RAI2: variants seen among roughly 807,000 people sequenced by gnomAD.
RAI2 encodes retinoic acid-induced protein 2.
In RAI2, 5 loss-of-function variants were observed where a neutral mutation model predicts 15.3. The observed-to-expected ratio is 0.33, with a 90% CI of 0.17 to 0.69. The LOEUF (loss-of-function observed/expected upper bound fraction) is 0.69. Among genes scored for constraint, RAI2 ranks in the 30% least tolerant of loss-of-function variants. RAI2 has a pLI of 0.69. For synonymous variants in RAI2, 191 were observed against 184.0 expected (o/e 1.04, Z -0.31); for missense variants, 424 against 424.7 (o/e 1.00, Z 0.01).
intron 1 of RAI2, among the ~76,000 whole-genome samples, chrX:17,855,577 G>A (rs1023567670): frequency 2.7e-5 from 3 of 111,450 alleles, no homozygotes; most frequent in Non-Finnish European, 5.7e-5. Context: ...AATCAAAATC[G>A]CTTGATGCCA....
At chrX:17,817,491 G>T (rs988877997) in intron 1 of RAI2, among the ~76,000 whole-genome samples, 2 of 112,694 alleles carry the variant, frequency 1.8e-5, no homozygotes, top group African/African-American at 6.4e-5. Flanking sequence ...TCCACTGAAA[G>T]AGTCTGTTTC....
At chrX:17,827,205 C>A (rs766087741) in intron 1 of RAI2, among the ~76,000 whole-genome samples, 19 of 111,712 alleles carry the variant, frequency 1.7e-4, no homozygotes, top group African/African-American at 6.2e-4. Flanking sequence ...TCTGCTTCTA[C>A]AGCAGCCCTT....
chrX:17,830,746 G>A (rs1278912886), intron 1 of RAI2, among the ~76,000 whole-genome samples: 2 of 110,808 alleles, frequency 1.8e-5, no homozygotes, highest in African/African-American at 6.6e-5. Context: ...GTGTGTGGGG[G>A]GGTGTTATAC....
At chrX:17,827,407 C>T (rs2067239133) in intron 1 of RAI2, among the ~76,000 whole-genome samples, 1 of 112,371 alleles carries the variant, frequency 8.9e-6, no homozygotes, top group African/African-American at 3.2e-5. Flanking sequence ...CTTCACAATA[C>T]TATTTATGTT....
rs144450610 is a variant in RAI2 at position 17,802,738 on chromosome X, T to G, written c.-24-704A>C. 3.6e-5 allele frequency among the ~76,000 whole-genome samples: 4 copies of G among 111,497 alleles called. No individual in the cohort carries two copies. The East Asian group carries it at 1.1e-3, about 32-fold the overall frequency. ...CATCTATCTGATCTGTGGCCTCTCC[T>G]AATATCTAGCTGCCAAGAGGAAGAG... On this transcript the variant is annotated intron_variant, in intron 1 of 1. Coordinates refer to ENST00000451717, the MANE Select transcript of RAI2 (RefSeq NM_021785.6).
chrX:17,846,099 G>A (rs1468267397), intron 1 of RAI2, among the ~76,000 whole-genome samples: 5 of 111,586 alleles, frequency 4.5e-5, no homozygotes, highest in Non-Finnish European at 7.5e-5. Context: ...AAAGGGTTTC[G>A]GATATGTTCT....
chrX:17,806,352 G>A (rs190295603), intron 1 of RAI2, among the ~76,000 whole-genome samples: 22 of 112,156 alleles, frequency 2.0e-4, no homozygotes, highest in Middle Eastern at 4.6e-3. Flanking sequence ...TTTCGTTTGC[G>A]TTTTGCAAAA....
At position 17,826,980 on chromosome X, in the gene RAI2, A is replaced by T. The variant is rs1035057898; in HGVS notation, c.-24-24946T>A. ...TTTATAGCAATGTGAAAACAAACTA[A>T]TGCATAGATTCCATTTATTTTGGCT... On this transcript the variant is annotated intron_variant, in intron 1 of 1. Coordinates refer to ENST00000451717, the MANE Select transcript of RAI2 (RefSeq NM_021785.6). Among the ~76,000 whole-genome samples, 37 of 112,610 alleles carry T rather than the reference A, an allele frequency of 3.3e-4. 1 individual carries two copies. The highest frequency in any genetic ancestry group is 1.1e-4 in the Non-Finnish European group (6 of 53,315).
rs1016914705 is a variant in RAI2 at position 17,807,087 on chromosome X, C to G, written c.-24-5053G>C. 1.4e-4 allele frequency among the ~76,000 whole-genome samples: 16 copies of G among 111,247 alleles called. No homozygotes were observed. In the Admixed American group the frequency reaches 1.5e-3, roughly 11 times the overall value. On this transcript the variant is annotated intron_variant, in intron 1 of 1. Coordinates refer to ENST00000451717, the MANE Select transcript of RAI2 (RefSeq NM_021785.6). ...CCCCTCATCTAATTATTGCAAAGAT[C>G]TAATTATACCAGAGGCCGGTCTCCC...
At chrX:17,816,863 G>A (rs1382617676) in intron 1 of RAI2, among the ~76,000 whole-genome samples, 1 of 111,530 alleles carries the variant, frequency 9.0e-6, no homozygotes, top group Non-Finnish European at 1.9e-5. Context: ...AACGTGAGTT[G>A]AAAGTGAGGG....
At chrX:17,820,437 G>C (rs904634682) in intron 1 of RAI2, among the ~76,000 whole-genome samples, 1 of 111,922 alleles carries the variant, frequency 8.9e-6, no homozygotes, top group Admixed American at 9.5e-5. Context: ...GTGGGTCTCT[G>C]GGATGCGGCA....
At chrX:17,853,978 A>G (rs963711434) in intron 1 of RAI2, among the ~76,000 whole-genome samples, 1 of 112,317 alleles carries the variant, frequency 8.9e-6, no homozygotes, top group Non-Finnish European at 1.9e-5. Flanking sequence ...GTTTTAAAAA[A>G]ACTAAAACAA....
At position 17,800,925 on chromosome X, in the gene RAI2, G is replaced by A. The variant is rs1410637695; in HGVS notation, c.1086C>T (p.Asp362=). 1.7e-6 allele frequency: 2 copies of A among 1,208,802 alleles called. No individual in the cohort carries two copies. Among genetic ancestry groups the A allele is most frequent in the African/African-American group, 3.5e-5 (2 of 56,901 alleles). ...CTGAGCTGTCCACTGATGCACCACTGTCATACAGTGTCTCAGGGGGAGGCT... is the reference window on the plus strand; with the variant it reads ...CTGAGCTGTCCACTGATGCACCACTATCATACAGTGTCTCAGGGGGAGGCT... ...KSEPPPETLY[D]SGASVDSSGH... Residue 362 remains aspartate, a synonymous_variant, in exon 2 of 2, where the codon GAC becomes GAT. Coordinates refer to ENST00000451717, the MANE Select transcript of RAI2 (RefSeq NM_021785.6).
Position 17,841,282 on chromosome X carries a change from G to A in RAI2, c.-25+19816C>T, listed in dbSNP as rs777001062. Among the ~76,000 whole-genome samples the A allele has an allele frequency of 2.7e-5, 3 of 111,673 alleles. No homozygotes were observed. The East Asian group carries it at 8.5e-4, about 32-fold the overall frequency. ...TAAATGCCAGCTCCTCAGATTCTGT[G>A]TGAAAGAGATGCCAACACGCATCTA... On this transcript the variant is annotated intron_variant, in intron 1 of 1. Coordinates refer to ENST00000451717, the MANE Select transcript of RAI2 (RefSeq NM_021785.6).
rs747518599 is a variant in RAI2, at chrX:17,861,191, GGTGCGCCGCGGTGGGAGCCGCC to G, written c.-140_-119del. Reference sequence around the variant, plus strand: ...GCCTCGCCGCCGGCCGCCTGAAGGGGGTGCGCCGCGGTGGGAGCCGCCGTCGCCGCTGTCACCGAGTCGCTGT... The same window carrying G: ...GCCTCGCCGCCGGCCGCCTGAAGGGGGTCGCCGCTGTCACCGAGTCGCTGT... On this transcript the variant is annotated 5_prime_UTR_variant, in exon 1 of 2. Transcript: ENST00000451717. 932 of 111,905 alleles carry G rather than the reference GGTGCGCCGCGGTGGGAGCCGCC, an allele frequency of 8.3e-3. 4 individuals are homozygous for G. Among genetic ancestry groups the G allele is most frequent in the Non-Finnish European group, 0.013 (708 of 54,104 alleles). 9.2% of individuals were successfully genotyped at this position (111,905 alleles called of 1,213,427 possible).
intron 1 of RAI2, among the ~76,000 whole-genome samples, chrX:17,854,795 T>G (rs1173771184): frequency 8.9e-6 from 1 of 112,027 alleles, no homozygotes; most frequent in East Asian, 2.8e-4. Flanking sequence ...GGATTCTTCC[T>G]GTGCTCCAGT....
chrX:17,855,893 A>T (rs895790638), intron 1 of RAI2, among the ~76,000 whole-genome samples: 7 of 112,431 alleles, frequency 6.2e-5, no homozygotes, highest in Non-Finnish European at 1.3e-4. Context: ...TTTTGTATTA[A>T]GTCACAGAAA....
intron 1 of RAI2, among the ~76,000 whole-genome samples, chrX:17,854,140 T>A (rs1436755876): frequency 8.9e-6 from 1 of 112,321 alleles, no homozygotes; most frequent in Non-Finnish European, 1.9e-5. Context: ...TCCTTGTATT[T>A]ACTGTAGATT....
At chrX:17,818,211 CT>C (rs895610890) in intron 1 of RAI2, among the ~76,000 whole-genome samples, 4 of 112,578 alleles carry the variant, frequency 3.6e-5, no homozygotes, top group African/African-American at 1.3e-4. Context: ...CTCCCACCCC[CT>C]AAACCAAGGT....
Sources: allele counts gnomAD v4.1 joint callset (sites outside exome capture counted in the v4.1 genomes callset), GRCh38; gene constraint gnomAD v4.1.1; transcripts MANE v1.5; gene names NCBI Gene and HGNC (gene_info 2026-07-23, HGNC 2026-07-21).